AGBL4: variants seen among roughly 807,000 people sequenced by gnomAD.
The protein encoded by AGBL4 is cytosolic carboxypeptidase 6.
Under a neutral mutation model 66.4 loss-of-function variants are expected in AGBL4, and 58 were observed. That is an observed-to-expected ratio of 0.87 (90% CI 0.71 to 1.09). The LOEUF (loss-of-function observed/expected upper bound fraction) is 1.09. AGBL4 is among the 50% of genes least tolerant of loss of function. The pLI is 0.00. For missense variants in AGBL4, 579 were observed against 631.0 expected (o/e 0.92, Z 0.88); for synonymous variants, 234 against 222.9 (o/e 1.05, Z -0.44).
chr1:49,394,151 G>A (rs1176887077), intron 3 of AGBL4, among the ~76,000 whole-genome samples: 1 of 151,964 alleles, frequency 6.6e-6, no homozygotes, highest in Non-Finnish European at 1.5e-5. Flanking sequence ...GAGAATTGCA[G>A]CTGAAATGGA....
rs374006335 is a variant in AGBL4, at chr1:49,666,157, A to C, written c.282+31156T>G. Among the ~76,000 whole-genome samples, 50 of 152,208 alleles carry C rather than the reference A, an allele frequency of 3.3e-4. 1 individual carries two copies. The South Asian group carries it at 9.5e-3, about 29-fold the overall frequency. ...TTCTTAGTAATAGCCCCTTGAGAGC[A>C]GCAACCCTTATCTTGTATACCCCTC... On this transcript the variant is annotated intron_variant, in intron 3 of 13. Coordinates refer to ENST00000371839, the MANE Select transcript of AGBL4 (RefSeq NM_032785.4).
intron 11 of AGBL4, among the ~76,000 whole-genome samples, chr1:48,569,523 G>A (rs931152575): frequency 7.9e-5 from 12 of 152,124 alleles, no homozygotes; most frequent in African/African-American, 2.9e-4. Flanking sequence ...TGTTTCTAAG[G>A]CCTTATTTCT....
chr1:49,877,820 A>T (rs1000596245), intron 1 of AGBL4, among the ~76,000 whole-genome samples: 5 of 151,478 alleles, frequency 3.3e-5, no homozygotes, highest in Non-Finnish European at 7.4e-5. Context: ...ACTATTGATT[A>T]TTGCCACAAT....
intron 3 of AGBL4, among the ~76,000 whole-genome samples, chr1:49,423,398 A>G (rs1041773408): frequency 6.6e-6 from 1 of 152,220 alleles, no homozygotes; most frequent in Non-Finnish European, 1.5e-5. Context: ...AATAGCTGCA[A>G]TTCAGTGTTC....
At chr1:48,939,865 C>A (rs190865460) in intron 5 of AGBL4, among the ~76,000 whole-genome samples, 2 of 152,172 alleles carry the variant, frequency 1.3e-5, no homozygotes, top group African/African-American at 4.8e-5. Context: ...TAACCCACAG[C>A]GGACATCTGA....
At chr1:49,165,835 T>C (rs1646624502) in intron 4 of AGBL4, among the ~76,000 whole-genome samples, 1 of 151,922 alleles carries the variant, frequency 6.6e-6, no homozygotes, top group Non-Finnish European at 1.5e-5. Context: ...CATGCCCAAA[T>C]TGGTACACTA....
intron 4 of AGBL4, among the ~76,000 whole-genome samples, chr1:49,141,143 A>T (rs1646109964): frequency 6.6e-6 from 1 of 152,220 alleles, no homozygotes; most frequent in African/African-American, 2.4e-5. Context: ...TATTCAGTGT[A>T]ACAAACATTG....
chr1:49,891,561 C>T (rs1648649344), intron 1 of AGBL4, among the ~76,000 whole-genome samples: 1 of 152,144 alleles, frequency 6.6e-6, no homozygotes. Context: ...AAGGTTGAGG[C>T]ATCCTAACCT....
intron 6 of AGBL4, among the ~76,000 whole-genome samples, chr1:48,858,072 G>T (rs1647222226): frequency 6.6e-6 from 1 of 152,068 alleles, no homozygotes; most frequent in South Asian, 2.1e-4. Flanking sequence ...ATAAGCACAT[G>T]AAAATACATT....
intron 4 of AGBL4, among the ~76,000 whole-genome samples, chr1:49,086,600 C>G (rs1286833813): frequency 6.6e-6 from 1 of 152,044 alleles, no homozygotes; most frequent in African/African-American, 2.4e-5. Context: ...CCCAAGCAGT[C>G]CTACTTCTGC....
intron 3 of AGBL4, among the ~76,000 whole-genome samples, chr1:49,465,261 A>G (rs970523810): frequency 6.9e-6 from 1 of 144,686 alleles, no homozygotes; most frequent in South Asian, 2.2e-4. Flanking sequence ...ACACACACAC[A>G]CGCAGACATG....
intron 5 of AGBL4, among the ~76,000 whole-genome samples, chr1:49,016,554 T>C (rs1280527112): frequency 6.6e-6 from 1 of 152,122 alleles, no homozygotes; most frequent in African/African-American, 2.4e-5. Context: ...GGGGCCACAC[T>C]CATGTTAAAG....
intron 4 of AGBL4, among the ~76,000 whole-genome samples, chr1:49,191,712 A>G (rs1647123098): frequency 6.6e-6 from 1 of 152,142 alleles, no homozygotes; most frequent in African/African-American, 2.4e-5. Flanking sequence ...AACACGTGGT[A>G]CTTGTTTTTC....
chr1:49,509,742 T>A (rs1001969354), intron 3 of AGBL4, among the ~76,000 whole-genome samples: 1 of 151,988 alleles, frequency 6.6e-6, no homozygotes. Context: ...ACAACCTTTA[T>A]GGCCTTGGAG....
Position 50,019,306 on chromosome 1 carries a change from T to TCTCTCTCTCACACACACA in AGBL4, c.34+4456_34+4457insTGTGTGTGTGAGAGAGAG, listed in dbSNP as rs1167835143. ...CTCTCTCTCTCTCTCTCTCTCTCTC[T>TCTCTCTCTCACACACACA]CACACACACACACACACACACACAC... On this transcript the variant is annotated intron_variant, in intron 1 of 13. Transcript: ENST00000371839. Among the ~76,000 whole-genome samples the TCTCTCTCTCACACACACA allele has an allele frequency of 2.3e-3, 112 of 48,426 alleles. 2 individuals are homozygous for TCTCTCTCTCACACACACA. Among genetic ancestry groups the TCTCTCTCTCACACACACA allele is most frequent in the East Asian group, 3.2e-3 (3 of 940 alleles). 31.8% of individuals were successfully genotyped at this position (48,426 alleles called of 152,430 possible).
rs182432747 is a variant in AGBL4, at chr1:48,542,365, G to A, written c.1268-2627C>T. Among the ~76,000 whole-genome samples the A allele has an allele frequency of 2.4e-3, 369 of 152,266 alleles. 1 individual carries two copies. The highest frequency in any genetic ancestry group is 8.3e-3 in the African/African-American group (344 of 41,540). On this transcript the variant is annotated intron_variant, in intron 11 of 13. Transcript: ENST00000371839. ...CCTTTGGGTATAAACCCAGTAATGC[G>A]ATTGCTGGATCAAATGGTATTTCTA...
intron 3 of AGBL4, among the ~76,000 whole-genome samples, chr1:49,261,507 C>T (rs1439846144): frequency 1.3e-5 from 2 of 149,436 alleles, no homozygotes; most frequent in African/African-American, 2.4e-5. Context: ...CATTCTTATA[C>T]ACCAATAACA....
chr1:48,871,764 G>A (rs1384891844), intron 5 of AGBL4, among the ~76,000 whole-genome samples: 2 of 151,994 alleles, frequency 1.3e-5, no homozygotes, highest in Non-Finnish European at 2.9e-5. Flanking sequence ...TGTCTATAGT[G>A]GATGCTTGAG....
chr1:49,773,879 G>T (rs1644128871), intron 2 of AGBL4, among the ~76,000 whole-genome samples: 1 of 152,144 alleles, frequency 6.6e-6, no homozygotes, highest in Non-Finnish European at 1.5e-5. Flanking sequence ...TGGGTGACAG[G>T]ATGCCTCATC....
Sources: gnomAD v4.1 joint callset for allele counts (sites outside exome capture counted in the v4.1 genomes callset) on GRCh38, gnomAD v4.1.1 for gene constraint, MANE v1.5 for transcripts, NCBI Gene and HGNC (gene_info 2026-07-23, HGNC 2026-07-21) for gene names.